Variants in RBFOX1 observed in about 807,000 individuals in gnomAD.
RBFOX1 encodes RNA binding fox-1 homolog 1.
A neutral mutation model predicts 57.7 loss-of-function variants in RBFOX1; 8 were observed. That is an observed-to-expected ratio of 0.14 (90% CI 0.08 to 0.25). RBFOX1 has a LOEUF of 0.25. Ranked by LOEUF, RBFOX1 falls within the 10% of genes least tolerant of loss-of-function variation. The probability of loss-of-function intolerance (pLI) is 1.00; values close to 1 mark genes in which losing one functional copy is unlikely to be tolerated. For synonymous variants in RBFOX1, 326 were observed against 222.4 expected (o/e 1.47, Z -4.15); for missense variants, 611 against 548.5 (o/e 1.11, Z -1.14).
intron 4 of RBFOX1, among the ~76,000 whole-genome samples, chr16:7,339,887 C>T (rs546511137): frequency 6.6e-6 from 1 of 152,338 alleles, no homozygotes; most frequent in Admixed American, 6.5e-5. Flanking sequence ...CACTCTCCAC[C>T]TCTCCACAGT....
At chr16:5,456,989 A>G (rs972564510) in intron 1 of RBFOX1, among the ~76,000 whole-genome samples, 3 of 152,132 alleles carry the variant, frequency 2.0e-5, no homozygotes, top group African/African-American at 7.2e-5. Context: ...TAAACAATAG[A>G]AATTTATTTC....
At chr16:6,652,013 C>A (rs1165519703) in intron 2 of RBFOX1, among the ~76,000 whole-genome samples, 1 of 152,168 alleles carries the variant, frequency 6.6e-6, no homozygotes, top group Non-Finnish European at 1.5e-5. Context: ...GTTAAGTCCT[C>A]AATTGTATAA....
chr16:7,135,358 G>C (rs2071626587), intron 4 of RBFOX1, among the ~76,000 whole-genome samples: 1 of 152,208 alleles, frequency 6.6e-6, no homozygotes, highest in Admixed American at 6.5e-5. Flanking sequence ...AAAGAACACT[G>C]AGACTAGGCA....
chr16:5,457,079 G>A (rs2068652986), intron 1 of RBFOX1, among the ~76,000 whole-genome samples: 1 of 152,142 alleles, frequency 6.6e-6, no homozygotes, highest in South Asian at 2.1e-4. Flanking sequence ...TTCCTGGTTT[G>A]TGGATGGCTG....
intron 5 of RBFOX1, among the ~76,000 whole-genome samples, chr16:7,561,438 A>G (rs1422191771): frequency 6.6e-6 from 1 of 152,168 alleles, no homozygotes; most frequent in Non-Finnish European, 1.5e-5. Context: ...CCGAACATAT[A>G]TTTACTCTCC....
At chr16:6,232,677 C>T (rs28569290) in intron 1 of RBFOX1, among the ~76,000 whole-genome samples, 3,309 of 152,236 alleles carry the variant, frequency 0.022, 108 homozygotes, top group African/African-American at 0.072. Context: ...TAGGTTCAAA[C>T]CTATTTAAGG....
chr16:7,384,709 C>T (rs1214107370), intron 4 of RBFOX1, among the ~76,000 whole-genome samples: 6 of 152,046 alleles, frequency 3.9e-5, no homozygotes, highest in Admixed American at 2.6e-4. Flanking sequence ...TAGACTTGCA[C>T]GAAATAGAGA....
intron 3 of RBFOX1, among the ~76,000 whole-genome samples, chr16:7,013,174 A>C (rs149998693): frequency 1.2e-3 from 186 of 152,208 alleles, no homozygotes; most frequent in African/African-American, 4.3e-3. Flanking sequence ...ATGCTCTGAT[A>C]CTCATTGGCT....
intron 3 of RBFOX1, among the ~76,000 whole-genome samples, chr16:6,734,969 G>A (rs1049498966): frequency 1.3e-5 from 2 of 152,064 alleles, no homozygotes; most frequent in African/African-American, 4.8e-5. Flanking sequence ...GTGAGACTGT[G>A]TTTCTATAAT....
intron 4 of RBFOX1, among the ~76,000 whole-genome samples, chr16:5,925,952 T>C (rs1257108826): frequency 2.0e-5 from 3 of 152,278 alleles, no homozygotes; most frequent in African/African-American, 7.2e-5. Context: ...TGCAGTGGCC[T>C]TCCTTACCTT....
At chr16:7,511,711 T>A (rs1260829799) in intron 4 of RBFOX1, among the ~76,000 whole-genome samples, 1 of 152,186 alleles carries the variant, frequency 6.6e-6, no homozygotes, top group Non-Finnish European at 1.5e-5. Context: ...CGTTGGGGTG[T>A]CTTAAGTAAT....
intron 4 of RBFOX1, among the ~76,000 whole-genome samples, chr16:5,902,081 A>G (rs1055120750): frequency 6.6e-5 from 10 of 152,198 alleles, no homozygotes; most frequent in Non-Finnish European, 1.3e-4. Flanking sequence ...TGAATTAATC[A>G]TATTCCCTCT....
intron 4 of RBFOX1, among the ~76,000 whole-genome samples, chr16:7,439,619 G>A (rs922345186): frequency 1.3e-5 from 2 of 152,150 alleles, no homozygotes; most frequent in Admixed American, 6.5e-5. Context: ...GAGTCCCAAC[G>A]CTGCTCAGTT....
intron 3 of RBFOX1, among the ~76,000 whole-genome samples, chr16:6,895,203 T>G (rs2066462990): frequency 6.6e-6 from 1 of 152,002 alleles, no homozygotes; most frequent in East Asian, 1.9e-4. Flanking sequence ...TTCTAGGAAT[T>G]AAAGAACAAG....
intron 4 of RBFOX1, among the ~76,000 whole-genome samples, chr16:7,192,840 C>T (rs759783359): frequency 6.6e-6 from 1 of 152,184 alleles, no homozygotes; most frequent in African/African-American, 2.4e-5. Context: ...ACAAAACACA[C>T]TAATACGGAA....
chr16:7,624,675 C>T (rs910938717), intron 10 of RBFOX1, among the ~76,000 whole-genome samples: 1 of 152,186 alleles, frequency 6.6e-6, no homozygotes, highest in African/African-American at 2.4e-5. Flanking sequence ...GCTACTCAGA[C>T]ATTGCCCTGC....
chr16:6,353,031 G>A (rs559211203), intron 2 of RBFOX1, among the ~76,000 whole-genome samples: 95 of 152,228 alleles, frequency 6.2e-4, no homozygotes, highest in African/African-American at 2.2e-3. Flanking sequence ...AGTGCTGGCC[G>A]GCTGCTTTCT....
At chr16:7,018,284 C>T (rs540391558) in intron 3 of RBFOX1, among the ~76,000 whole-genome samples, 3 of 152,130 alleles carry the variant, frequency 2.0e-5, no homozygotes, top group African/African-American at 7.2e-5. Flanking sequence ...AAGGGGACTT[C>T]TAATATTTTG....
At chr16:6,890,889 G>GGTATGAAGTGA (rs1368147342) in intron 3 of RBFOX1, among the ~76,000 whole-genome samples, 1 of 152,160 alleles carries the variant, frequency 6.6e-6, no homozygotes, top group Non-Finnish European at 1.5e-5. Flanking sequence ...TGAAGTCAGG[G>GGTATGAAGTGA]GTATGAAGTG....
Sources: gnomAD v4.1 joint callset for allele counts (sites outside exome capture counted in the v4.1 genomes callset) on GRCh38, gnomAD v4.1.1 for gene constraint, MANE v1.5 for transcripts, NCBI Gene and HGNC (gene_info 2026-07-23, HGNC 2026-07-21) for gene names.